ADK: variants seen among roughly 807,000 people sequenced by gnomAD.
ADK encodes adenosine kinase, also known as N6,N6-dimethyladenosine kinase.
Under a neutral mutation model 44.7 loss-of-function variants are expected in ADK, and 24 were observed. The observed-to-expected ratio is 0.54, with a 90% CI of 0.39 to 0.76. ADK has a LOEUF of 0.76. Ranked by LOEUF, ADK falls within the 30% of genes least tolerant of loss-of-function variation. The probability of loss-of-function intolerance (pLI) is 0.00; values close to 1 mark genes in which losing one functional copy is unlikely to be tolerated. For missense variants in ADK, 321 were observed against 425.1 expected (o/e 0.76, Z 2.15); for synonymous variants, 128 against 142.6 (o/e 0.90, Z 0.73).
chr10:74,652,946 G>A (rs989814759), intron 9 of ADK, among the ~76,000 whole-genome samples: 6 of 152,148 alleles, frequency 3.9e-5, no homozygotes, highest in Non-Finnish European at 8.8e-5. Flanking sequence ...GTTGGAAAGA[G>A]AAATGTACGA....
At chr10:74,226,254 C>G (rs1320635102) in intron 3 of ADK, among the ~76,000 whole-genome samples, 3 of 152,004 alleles carry the variant, frequency 2.0e-5, no homozygotes, top group Non-Finnish European at 2.9e-5. Flanking sequence ...ATTACAGGCA[C>G]CCGCCACCAT....
rs1439311068 is a variant in ADK at position 74,398,573 on chromosome 10, T to C, written c.549T>C (p.Tyr183=). 3.2e-6 allele frequency: 5 copies of C among 1,585,160 alleles called. No individual in the cohort carries two copies. The highest frequency in any genetic ancestry group is 1.3e-5 in the African/African-American group (1 of 74,278). ...WMLVEKARVC[Y]IAGFFLTVSP... ...TGGTAGAAAAAGCAAGAGTTTGTTA[T>C]ATAGCAGTAAGTACTTACCTAATTC... Residue 183 remains tyrosine (Y), a synonymous_variant, in exon 6 of 11, where the codon TAT becomes TAC. Transcript: ENST00000539909.
intron 7 of ADK, among the ~76,000 whole-genome samples, chr10:74,573,716 G>A (rs1295992245): frequency 2.6e-5 from 4 of 152,168 alleles, no homozygotes; most frequent in Non-Finnish European, 4.4e-5. Context: ...AATGGCGGGC[G>A]CCCCTCCCCC....
At chr10:74,462,521 A>G (rs899656032) in intron 6 of ADK, among the ~76,000 whole-genome samples, 1 of 152,170 alleles carries the variant, frequency 6.6e-6, no homozygotes, top group Non-Finnish European at 1.5e-5. Flanking sequence ...TGATTCAATA[A>G]GATATATATT....
intron 6 of ADK, among the ~76,000 whole-genome samples, chr10:74,476,782 C>G (rs1428475362): frequency 6.6e-6 from 1 of 152,128 alleles, no homozygotes; most frequent in Non-Finnish European, 1.5e-5. Flanking sequence ...AAATATTGCT[C>G]CTTTACGGTA....
At chr10:74,413,345 C>CTA (rs1227968442) in intron 6 of ADK, among the ~76,000 whole-genome samples, 1 of 152,142 alleles carries the variant, frequency 6.6e-6, no homozygotes, top group Non-Finnish European at 1.5e-5. Flanking sequence ...ACTCTTTTGT[C>CTA]TATGTTGAAA....
chr10:74,456,200 C>G (rs990810033), intron 6 of ADK, among the ~76,000 whole-genome samples: 1 of 152,116 alleles, frequency 6.6e-6, no homozygotes, highest in Admixed American at 6.5e-5. Context: ...TAATAGACAT[C>G]TACAGAACTC....
intron 6 of ADK, among the ~76,000 whole-genome samples, chr10:74,514,474 C>T (rs1848482504): frequency 6.6e-6 from 1 of 150,752 alleles, no homozygotes. Context: ...GTTAGTCTGC[C>T]TGTGTTATTT....
chr10:74,619,691 CA>C (rs1186539802), intron 9 of ADK, among the ~76,000 whole-genome samples: 1 of 151,840 alleles, frequency 6.6e-6, no homozygotes, highest in Admixed American at 6.6e-5. Context: ...ATAATAATTG[CA>C]AATATTTATG....
At chr10:74,526,660 A>G (rs985965732) in intron 7 of ADK, among the ~76,000 whole-genome samples, 2 of 152,200 alleles carry the variant, frequency 1.3e-5, no homozygotes, top group African/African-American at 4.8e-5. Context: ...TAGAAATAAT[A>G]TCACAGTGTA....
intron 10 of ADK, among the ~76,000 whole-genome samples, chr10:74,679,293 G>A (rs1453634899): frequency 6.6e-6 from 1 of 152,196 alleles, no homozygotes; most frequent in Non-Finnish European, 1.5e-5. Context: ...GTATCAAAAT[G>A]TAAAAAGGCA....
At chr10:74,231,743 G>A (rs1224122920) in intron 3 of ADK, among the ~76,000 whole-genome samples, 2 of 146,388 alleles carry the variant, frequency 1.4e-5, no homozygotes, top group Non-Finnish European at 3.0e-5. Flanking sequence ...TGGGATTACA[G>A]GTGTGAGCCA....
chr10:74,284,973 G>GA (rs1175726764), intron 3 of ADK, among the ~76,000 whole-genome samples: 1 of 152,160 alleles, frequency 6.6e-6, no homozygotes, highest in Non-Finnish European at 1.5e-5. Context: ...TTACTTTTGA[G>GA]AAAAATGCTA....
chr10:74,489,820 G>T (rs984693774), intron 6 of ADK, among the ~76,000 whole-genome samples: 2 of 151,782 alleles, frequency 1.3e-5, no homozygotes, highest in African/African-American at 4.8e-5. Context: ...AAAGACCTAG[G>T]ACACATTATT....
rs149137097 is a variant in ADK at position 74,233,368 on chromosome 10, AG to A, written c.194+8778del. ...GCAACTACCACCTTTATGGGCCTTT[AG>A]TGAAAAATCTGGTGATAGGCTTGGT... On this transcript the variant is annotated intron_variant, in intron 3 of 10. Coordinates refer to ENST00000539909, the MANE Select transcript of ADK (RefSeq NM_006721.4). Among the ~76,000 whole-genome samples, 717 of 152,224 alleles carry A rather than the reference AG, an allele frequency of 4.7e-3. 3 individuals are homozygous for A. Among genetic ancestry groups the A allele is most frequent in the African/African-American group, 0.016 (678 of 41,520 alleles).
intron 1 of ADK, among the ~76,000 whole-genome samples, chr10:74,195,970 C>T (rs1029681366): frequency 2.0e-5 from 3 of 151,564 alleles, no homozygotes; most frequent in Non-Finnish European, 4.4e-5. Context: ...AGCCACTGTG[C>T]CCAGCCAATT....
intron 3 of ADK, among the ~76,000 whole-genome samples, chr10:74,300,640 T>C (rs975822949): frequency 6.6e-6 from 1 of 151,998 alleles, no homozygotes; most frequent in Admixed American, 6.6e-5. Flanking sequence ...TGGCTTCCCA[T>C]AGTGCTGGGA....
chr10:74,485,272 A>G (rs188841160), intron 6 of ADK, among the ~76,000 whole-genome samples: 7 of 152,184 alleles, frequency 4.6e-5, no homozygotes, highest in African/African-American at 1.7e-4. Context: ...TATTGAAGGA[A>G]TGAAAAATTG....
intron 3 of ADK, among the ~76,000 whole-genome samples, chr10:74,247,038 A>G (rs1845439723): frequency 6.6e-6 from 1 of 151,972 alleles, no homozygotes; most frequent in Non-Finnish European, 1.5e-5. Flanking sequence ...CTCTTTTTAA[A>G]GTGTAAAGTG....
Sources: allele counts gnomAD v4.1 joint callset (sites outside exome capture counted in the v4.1 genomes callset), GRCh38; gene constraint gnomAD v4.1.1; transcripts MANE v1.5; gene names NCBI Gene and HGNC (gene_info 2026-07-23, HGNC 2026-07-21).